Variants in NGEF observed in about 807,000 individuals in gnomAD.
NGEF encodes the protein ephexin-1.
In NGEF, 31 loss-of-function variants were observed where a neutral mutation model predicts 80.9. That is an observed-to-expected ratio of 0.38 (90% CI 0.29 to 0.52). The LOEUF (loss-of-function observed/expected upper bound fraction) is 0.52. Among genes scored for constraint, NGEF ranks in the 20% least tolerant of loss-of-function variants. The pLI is 0.84. For missense variants in NGEF, 709 were observed against 926.2 expected, an observed-to-expected ratio of 0.77 and a Z score of 3.04; for synonymous variants, 371 against 370.2, an observed-to-expected ratio of 1.00 and a Z score of -0.03.
At chr2:232,916,599 CAT>C (rs766435000) in intron 5 of NGEF, among the ~76,000 whole-genome samples, 1 of 152,116 alleles carries the variant, frequency 6.6e-6, no homozygotes, top group Non-Finnish European at 1.5e-5. Context: ...AGGCAATAAA[CAT>C]GTGAAAAGAT....
At chr2:232,988,397 A>G (rs558657590) in intron 1 of NGEF, among the ~76,000 whole-genome samples, 100 of 152,304 alleles carry the variant, frequency 6.6e-4, no homozygotes, top group Non-Finnish European at 2.8e-4. Flanking sequence ...TGTGCCTCTT[A>G]AGAGGAAAGA....
At chr2:232,939,996 TA>T (rs36064060) in intron 3 of NGEF, among the ~76,000 whole-genome samples, 36,659 of 143,190 alleles carry the variant, frequency 0.26, 4,790 homozygotes, top group Non-Finnish European at 0.32. Context: ...GACTCCATCT[TA>T]AAAAAAAAAA....
At chr2:232,921,329 C>A (rs749575843) in intron 4 of NGEF, among the ~76,000 whole-genome samples, 4 of 152,246 alleles carry the variant, frequency 2.6e-5, no homozygotes, top group Middle Eastern at 3.4e-3. Context: ...GGTAATCCTG[C>A]CTGCTGCAGG....
intron 5 of NGEF, among the ~76,000 whole-genome samples, chr2:232,898,120 T>C (rs1274911395): frequency 6.6e-6 from 1 of 152,258 alleles, no homozygotes; most frequent in Non-Finnish European, 1.5e-5. Flanking sequence ...ATTTTCCTGC[T>C]GCTAAATTTA....
chr2:232,940,013 T>A (rs868006373), intron 3 of NGEF, among the ~76,000 whole-genome samples: 3 of 150,566 alleles, frequency 2.0e-5, no homozygotes, highest in South Asian at 2.1e-4. Context: ...AAAAAAAAAA[T>A]TTGAGGTCTC....
At chr2:232,973,718 C>T (rs535260482) in intron 2 of NGEF, among the ~76,000 whole-genome samples, 4 of 152,338 alleles carry the variant, frequency 2.6e-5, no homozygotes, top group South Asian at 4.1e-4. Context: ...GAGCCACCAG[C>T]TGACTGCAGA....
chr2:232,880,046 G>A (rs116456386), intron 14 of NGEF, among the ~76,000 whole-genome samples: 7,622 of 152,202 alleles, frequency 0.05, 275 homozygotes, highest in East Asian at 0.17. Flanking sequence ...TGGCAGCCGA[G>A]CACGTGGTTA....
chr2:232,987,630 G>A (rs1213891130), intron 1 of NGEF, among the ~76,000 whole-genome samples: 3 of 152,132 alleles, frequency 2.0e-5, no homozygotes, highest in Non-Finnish European at 4.4e-5. Flanking sequence ...AGTCTCCTGG[G>A]AAAGGGTTCT....
At chr2:232,882,020 C>T (rs975646563) in intron 13 of NGEF, among the ~76,000 whole-genome samples, 166 bp downstream of exon 13, 2 of 152,196 alleles carry the variant, frequency 1.3e-5, no homozygotes, top group African/African-American at 4.8e-5. Context: ...GGTTATTGGC[C>T]GGTACTAAGT....
At chr2:233,008,537 G>A (rs1695136106) in intron 1 of NGEF, among the ~76,000 whole-genome samples, 1 of 152,224 alleles carries the variant, frequency 6.6e-6, no homozygotes, top group Non-Finnish European at 1.5e-5. Context: ...GCCACTTTGG[G>A]GCGGGACCTG....
At chr2:233,006,846 C>T (rs868343750) in intron 1 of NGEF, among the ~76,000 whole-genome samples, 1 of 152,152 alleles carries the variant, frequency 6.6e-6, no homozygotes, top group Non-Finnish European at 1.5e-5. Context: ...CGAGGTCACA[C>T]AGCTAGCAGG....
chr2:232,887,808 G>C (rs942242805), intron 9 of NGEF, among the ~76,000 whole-genome samples: 2 of 152,244 alleles, frequency 1.3e-5, no homozygotes, highest in African/African-American at 2.4e-5. Context: ...CGGTGAGTAC[G>C]TAAGGCTGGA....
intron 3 of NGEF, among the ~76,000 whole-genome samples, chr2:232,938,512 G>T (rs1360275818): frequency 6.6e-6 from 1 of 152,078 alleles, no homozygotes; most frequent in Non-Finnish European, 1.5e-5. Context: ...GATACATAGG[G>T]TCTGGGGGTT....
At chr2:232,889,744 G>C (rs1403211119) in intron 8 of NGEF, among the ~76,000 whole-genome samples, 1 of 152,140 alleles carries the variant, frequency 6.6e-6, no homozygotes, top group Non-Finnish European at 1.5e-5. Flanking sequence ...CCTGGGCCAG[G>C]GGCTTCTCCT....
intron 5 of NGEF, among the ~76,000 whole-genome samples, chr2:232,895,725 G>C (rs1009036505): frequency 1.3e-5 from 2 of 152,088 alleles, no homozygotes; most frequent in African/African-American, 4.8e-5. Context: ...CTGGGGGGAT[G>C]TTTACCTTTT....
intron 3 of NGEF, among the ~76,000 whole-genome samples, chr2:232,956,735 ATTGTGCCAC>A (rs2106310792): frequency 7.2e-6 from 1 of 139,612 alleles, no homozygotes; most frequent in Admixed American, 7.4e-5. Flanking sequence ...AGATGCTGAG[ATTGTGCCAC>A]TGCACTCCAG....
chr2:232,939,433 A>T (rs115742668), intron 3 of NGEF, among the ~76,000 whole-genome samples: 4 of 152,232 alleles, frequency 2.6e-5, no homozygotes, highest in Non-Finnish European at 5.9e-5. Flanking sequence ...TGCCTTAACC[A>T]TTAACCAAAT....
intron 5 of NGEF, among the ~76,000 whole-genome samples, chr2:232,910,941 A>G (rs1668895405): frequency 6.6e-6 from 1 of 152,058 alleles, no homozygotes; most frequent in African/African-American, 2.4e-5. Flanking sequence ...CCCCATCTGT[A>G]GCTTCTCTTT....
chr2:232,982,853 G>A (rs1049865519), intron 1 of NGEF, among the ~76,000 whole-genome samples: 1 of 152,248 alleles, frequency 6.6e-6, no homozygotes, highest in Non-Finnish European at 1.5e-5. Flanking sequence ...AGTGGGGAGA[G>A]TGAGACAGGA....
Sources: gnomAD v4.1 joint callset for allele counts (sites outside exome capture counted in the v4.1 genomes callset) on GRCh38, gnomAD v4.1.1 for gene constraint, MANE v1.5 for transcripts, NCBI Gene and HGNC (gene_info 2026-07-23, HGNC 2026-07-21) for gene names.